Variants in PAIP2B observed in about 807,000 individuals in gnomAD.
The protein encoded by PAIP2B is poly(A) binding protein interacting protein 2B, also known as polyadenylate-binding protein-interacting protein 2B.
In PAIP2B, 13 loss-of-function variants were observed where a neutral mutation model predicts 17.0. That is an observed-to-expected ratio of 0.76 (90% CI 0.50 to 1.22). PAIP2B has a LOEUF of 1.22. Ranked by LOEUF, PAIP2B falls within the 50% of genes most tolerant of loss-of-function variation. PAIP2B has a pLI of 0.00. For synonymous variants in PAIP2B, 43 were observed against 48.7 expected (o/e 0.88, Z 0.48); for missense variants, 117 against 144.5 (o/e 0.81, Z 0.98).
chr2:71,202,672 A>T (rs1675016142), intron 1 of PAIP2B, 72 bp from the exon 2 acceptor site: 4 of 1,292,754 alleles, frequency 3.1e-6, no homozygotes, highest in Non-Finnish European at 4.3e-6. Flanking sequence ...AAACATGCAG[A>T]TTCTGTCAGA....
intron 1 of PAIP2B, among the ~76,000 whole-genome samples, chr2:71,225,934 A>G (rs1572942366): frequency 1.3e-5 from 2 of 152,242 alleles, no homozygotes; most frequent in African/African-American, 2.4e-5. Context: ...AGTATGTTCT[A>G]TATTTTATGA....
Position 71,186,112 on chromosome 2 carries a change from T to G in PAIP2B, c.*2367A>C, listed in dbSNP as rs370383769. ...GGTGTCCAGTCTGGCTTGCTGGTTC[T>G]TCTTCTGTGAGAAAAGTCACTGACA... On this transcript the variant is annotated 3_prime_UTR_variant, in exon 4 of 4. Coordinates refer to ENST00000244221, the MANE Select transcript of PAIP2B (RefSeq NM_020459.1). 6.7e-4 allele frequency: 102 copies of G among 152,352 alleles called. 1 individual carries two copies. The highest frequency in any genetic ancestry group is 2.2e-3 in the African/African-American group (92 of 41,594). The allele number at this position is 152,352 out of a possible 1,614,324, so 9.4% of individuals were successfully genotyped here.
intron 2 of PAIP2B, among the ~76,000 whole-genome samples, chr2:71,193,675 A>C (rs927201772): frequency 9.9e-5 from 15 of 152,038 alleles, no homozygotes; most frequent in African/African-American, 3.6e-4. Context: ...AACACGGTGA[A>C]ACCCCTTCTC....
intron 1 of PAIP2B, among the ~76,000 whole-genome samples, chr2:71,223,655 T>C (rs1451116557): frequency 6.6e-6 from 1 of 152,036 alleles, no homozygotes; most frequent in Admixed American, 6.5e-5. Context: ...GACAGGTTGG[T>C]ATTGAACTCC....
At chr2:71,194,058 T>C (rs1325456027) in intron 2 of PAIP2B, among the ~76,000 whole-genome samples, 1 of 152,160 alleles carries the variant, frequency 6.6e-6, no homozygotes, top group Non-Finnish European at 1.5e-5. Flanking sequence ...GGGGTCTCTG[T>C]TCTGTTCCAC....
intron 1 of PAIP2B, among the ~76,000 whole-genome samples, chr2:71,214,849 A>C (rs569378364): frequency 5.3e-5 from 8 of 152,160 alleles, no homozygotes; most frequent in Admixed American, 2.0e-4. Flanking sequence ...CTGTATTCCA[A>C]ATAATTTAAA....
intron 2 of PAIP2B, among the ~76,000 whole-genome samples, chr2:71,201,954 C>CT (rs1199311350): frequency 6.6e-6 from 1 of 152,182 alleles, no homozygotes; most frequent in Admixed American, 6.5e-5. Flanking sequence ...TGTCAATCCT[C>CT]TAAGATTGAT....
At position 71,186,095 on chromosome 2, in the gene PAIP2B, G is replaced by A. The variant is rs1282988570; in HGVS notation, c.*2384C>T. 2 of 152,218 alleles carry A rather than the reference G, an allele frequency of 1.3e-5. No homozygotes were observed. Among genetic ancestry groups the A allele is most frequent in the Non-Finnish European group, 2.9e-5 (2 of 68,040 alleles). The allele number at this position is 152,218 out of a possible 1,614,324, so 9.4% of individuals were successfully genotyped here. A position where few individuals can be genotyped will look rare whatever the true frequency, so the allele number is the denominator to read the frequency against. On this transcript the variant is annotated 3_prime_UTR_variant, in exon 4 of 4. Transcript: ENST00000244221. ...TACCATTAAAGGGTAAAGGTGTCCAGTCTGGCTTGCTGGTTCTTCTTCTGT... is the reference window on the plus strand; with the variant it reads ...TACCATTAAAGGGTAAAGGTGTCCAATCTGGCTTGCTGGTTCTTCTTCTGT...
At chr2:71,211,283 G>C (rs1214440036) in intron 1 of PAIP2B, among the ~76,000 whole-genome samples, 1 of 151,682 alleles carries the variant, frequency 6.6e-6, no homozygotes, top group Non-Finnish European at 1.5e-5. Context: ...ACTGCATTTA[G>C]CAAGTGGCAA....
chr2:71,212,091 A>T (rs1342739138), intron 1 of PAIP2B, among the ~76,000 whole-genome samples: 3 of 152,270 alleles, frequency 2.0e-5, no homozygotes, highest in African/African-American at 7.2e-5. Context: ...AACGTTAATC[A>T]AAAACATTCC....
chr2:71,202,394 T>G, intron 2 of PAIP2B, 58 bp downstream of exon 2: 1 of 1,580,710 alleles, frequency 6.3e-7, no homozygotes, highest in Non-Finnish European at 8.6e-7. Flanking sequence ...CAGTAAAATA[T>G]TATAGCTGTT....
At chr2:71,203,404 A>C (rs767735467) in intron 1 of PAIP2B, among the ~76,000 whole-genome samples, 3 of 151,328 alleles carry the variant, frequency 2.0e-5, no homozygotes, top group Non-Finnish European at 4.4e-5. Flanking sequence ...GTTACATTGG[A>C]GAGTATGTTC....
At chr2:71,191,996 G>A (rs929764424) in intron 2 of PAIP2B, among the ~76,000 whole-genome samples, 1 of 152,122 alleles carries the variant, frequency 6.6e-6, no homozygotes, top group African/African-American at 2.4e-5. Context: ...TTTGAGGCAT[G>A]CCATGCTGAC....
At chr2:71,217,503 T>G (rs1412067789) in intron 1 of PAIP2B, among the ~76,000 whole-genome samples, 1 of 152,156 alleles carries the variant, frequency 6.6e-6, no homozygotes, top group African/African-American at 2.4e-5. Context: ...CCTTCATACT[T>G]CCAAGTTAAT....
At chr2:71,206,646 T>A (rs556202964) in intron 1 of PAIP2B, among the ~76,000 whole-genome samples, 1 of 152,338 alleles carries the variant, frequency 6.6e-6, no homozygotes, top group East Asian at 1.9e-4. Flanking sequence ...TTTAACACTT[T>A]AAACACCCAC....
At chr2:71,225,132 C>T (rs957341281) in intron 1 of PAIP2B, among the ~76,000 whole-genome samples, 2 of 152,172 alleles carry the variant, frequency 1.3e-5, no homozygotes, top group African/African-American at 4.8e-5. Context: ...TCAAGCAATC[C>T]TCCTGCCTCA....
chr2:71,198,527 C>T lies in PAIP2B; in HGVS notation c.138+3925G>A, dbSNP rs369601955. Among the ~76,000 whole-genome samples, 51 of 152,144 alleles carry T rather than the reference C, an allele frequency of 3.4e-4. 1 individual carries two copies. In the East Asian group the frequency reaches 4.4e-3, roughly 13 times the overall value. On this transcript the variant is annotated intron_variant, in intron 2 of 3. Coordinates refer to ENST00000244221, the MANE Select transcript of PAIP2B (RefSeq NM_020459.1). ...GTCTCGATCTCCTGACCTCGTGATC[C>T]GCCCACCTCGGCCTCCCAAAGTGCT...
At chr2:71,204,129 G>A (rs1384934979) in intron 1 of PAIP2B, among the ~76,000 whole-genome samples, 1 of 151,942 alleles carries the variant, frequency 6.6e-6, no homozygotes, top group Admixed American at 6.6e-5. Context: ...TGACAAGCAA[G>A]ATTGAGTTTT....
At chr2:71,190,984 A>G (rs1674674063) in intron 2 of PAIP2B, among the ~76,000 whole-genome samples, 1 of 152,250 alleles carries the variant, frequency 6.6e-6, no homozygotes, top group Non-Finnish European at 1.5e-5. Context: ...TTTCTTAAAC[A>G]TTGCCCTAAA....
Sources: gnomAD v4.1 joint callset for allele counts (sites outside exome capture counted in the v4.1 genomes callset) on GRCh38, gnomAD v4.1.1 for gene constraint, MANE v1.5 for transcripts, NCBI Gene and HGNC (gene_info 2026-07-23, HGNC 2026-07-21) for gene names.